The following GRIN2B variants were observed in gnomAD, a reference collection of about 807,000 sequenced individuals.
GRIN2B encodes glutamate ionotropic receptor NMDA type subunit 2B.
GRIN2B carries 5 observed loss-of-function variants against 114.5 expected under a neutral mutation model. The observed-to-expected ratio is 0.04, with a 90% CI of 0.02 to 0.09. The LOEUF is 0.09. Among genes scored for constraint, GRIN2B ranks in the 10% least tolerant of loss-of-function variants. The probability of loss-of-function intolerance (pLI) is 1.00; values close to 1 mark genes in which losing one functional copy is unlikely to be tolerated. For missense variants in GRIN2B, 1,108 were observed against 1,943.5 expected (o/e 0.57, Z 8.08); for synonymous variants, 787 against 745.1 (o/e 1.06, Z -0.92).
At chr12:13,741,038 ATTTAT>A (rs1008753666) in intron 4 of GRIN2B, among the ~76,000 whole-genome samples, 10 of 152,138 alleles carry the variant, frequency 6.6e-5, no homozygotes, top group South Asian at 2.1e-4. Flanking sequence ...TAAACTATTT[ATTTAT>A]TTTATTTTAT....
At chr12:13,595,118 A>C (rs1949056026) in intron 10 of GRIN2B, among the ~76,000 whole-genome samples, 1 of 152,220 alleles carries the variant, frequency 6.6e-6, no homozygotes, top group Non-Finnish European at 1.5e-5. Context: ...GAAGCAGTCA[A>C]GAGAGAAATA....
intron 2 of GRIN2B, among the ~76,000 whole-genome samples, chr12:13,942,625 TTAGA>T (rs1248402975): frequency 1.3e-5 from 2 of 152,346 alleles, no homozygotes; most frequent in East Asian, 1.9e-4. Context: ...TAGGCCTAAG[TTAGA>T]TAATCATCTA....
chr12:13,825,257 A>G (rs950775083), intron 3 of GRIN2B, among the ~76,000 whole-genome samples: 1 of 151,814 alleles, frequency 6.6e-6, no homozygotes, highest in Non-Finnish European at 1.5e-5. Context: ...TTTAATTCTA[A>G]TGTGGTCACA....
intron 4 of GRIN2B, among the ~76,000 whole-genome samples, chr12:13,707,761 A>G (rs1160786653): frequency 6.6e-6 from 1 of 152,158 alleles, no homozygotes; most frequent in East Asian, 1.9e-4. Flanking sequence ...AATTGAAAAA[A>G]AAATTTAACT....
intron 2 of GRIN2B, among the ~76,000 whole-genome samples, chr12:13,906,699 A>G (rs1322775691): frequency 1.3e-5 from 2 of 152,216 alleles, no homozygotes; most frequent in Non-Finnish European, 2.9e-5. Flanking sequence ...GATGACAATG[A>G]TTTCCTTAAC....
chr12:13,548,823 G>A lies in GRIN2B; in HGVS notation c.*13960C>T, dbSNP rs1392770943. 1 of 152,016 alleles carries A rather than the reference G, an allele frequency of 6.6e-6. No individual in the cohort carries two copies. The highest frequency in any genetic ancestry group is 1.5e-5 in the Non-Finnish European group (1 of 68,006). 9.4% of individuals were successfully genotyped at this position (152,016 alleles called of 1,614,324 possible). A position where few individuals can be genotyped will look rare whatever the true frequency, so the allele number is the denominator to read the frequency against. ...ACCTCCTCCCCCCATCTTCATGCAT[G>A]GGAATAAAAGCTACCTCCTCCATTT... On this transcript the variant is annotated 3_prime_UTR_variant, in exon 14 of 14. Transcript: ENST00000609686.
At chr12:13,885,881 C>T (rs1378254491) in intron 2 of GRIN2B, among the ~76,000 whole-genome samples, 1 of 152,176 alleles carries the variant, frequency 6.6e-6, no homozygotes, top group East Asian at 1.9e-4. Context: ...CTGCAAGCAA[C>T]CTGCATCAGA....
chr12:13,925,952 T>C (rs1866904170), intron 2 of GRIN2B, among the ~76,000 whole-genome samples: 1 of 151,960 alleles, frequency 6.6e-6, no homozygotes, highest in African/African-American at 2.4e-5. Context: ...ATTTGAAGAG[T>C]TCATAGATAA....
chr12:13,877,798 C>T (rs985337940), intron 2 of GRIN2B, among the ~76,000 whole-genome samples: 1 of 152,136 alleles, frequency 6.6e-6, no homozygotes, highest in African/African-American at 2.4e-5. Flanking sequence ...CGCAGTGGCT[C>T]ACACCCATAA....
At chr12:13,913,716 G>A (rs1866662619) in intron 2 of GRIN2B, among the ~76,000 whole-genome samples, 2 of 152,084 alleles carry the variant, frequency 1.3e-5, no homozygotes, top group Non-Finnish European at 2.9e-5. Flanking sequence ...CCACACTCAG[G>A]GACTTCTAGC....
chr12:13,895,907 G>A (rs1202475463), intron 2 of GRIN2B, among the ~76,000 whole-genome samples: 9 of 152,002 alleles, frequency 5.9e-5, no homozygotes, highest in Admixed American at 5.9e-4. Flanking sequence ...ATGTGGCAGA[G>A]GTTAAGTCAT....
At position 13,607,971 on chromosome 12, in the gene GRIN2B, C is replaced by T. The variant is rs1425994880; in HGVS notation, c.2010+632G>A. 2.0e-5 allele frequency among the ~76,000 whole-genome samples: 3 copies of T among 152,148 alleles called. No homozygotes were observed. In the East Asian group the frequency reaches 5.8e-4, roughly 29 times the overall value. ...TAGAATGGGTTTTGTACATCCTCAT[C>T]CAGCAGTGATGGAAAACAGCAGACA... is the stretch of plus-strand genomic sequence containing the variant. On this transcript the variant is annotated intron_variant, in intron 10 of 13. Transcript: ENST00000609686.
chr12:13,966,302 T>C (rs1246158581), intron 2 of GRIN2B, among the ~76,000 whole-genome samples: 4 of 152,226 alleles, frequency 2.6e-5, no homozygotes, highest in African/African-American at 9.6e-5. Context: ...TCAATATTAT[T>C]ACATCCAATT....
chr12:13,958,186 G>T (rs1304371304), intron 2 of GRIN2B, among the ~76,000 whole-genome samples: 1 of 152,164 alleles, frequency 6.6e-6, no homozygotes, highest in African/African-American at 2.4e-5. Flanking sequence ...TTAATTCTAG[G>T]CTGAGTTTTA....
At chr12:13,632,225 A>T (rs1293781843) in intron 5 of GRIN2B, among the ~76,000 whole-genome samples, 1 of 152,262 alleles carries the variant, frequency 6.6e-6, no homozygotes, top group African/African-American at 2.4e-5. Flanking sequence ...GTAAGTTCAC[A>T]TCTGTACCAA....
chr12:13,931,828 G>T (rs1156973504), intron 2 of GRIN2B, among the ~76,000 whole-genome samples: 1 of 152,020 alleles, frequency 6.6e-6, no homozygotes, highest in East Asian at 1.9e-4. Context: ...AGTTAAGTCA[G>T]CTGTACAATG....
chr12:13,547,274 T>C lies in GRIN2B; in HGVS notation c.*15509A>G, dbSNP rs970312535. ...TTGTTCTCAACGATAAAACCCACTT[T>C]GCAGTGGCTAAAAATATAAGTATTT... On this transcript the variant is annotated 3_prime_UTR_variant, in exon 14 of 14. Transcript: ENST00000609686. The C allele has an allele frequency of 6.6e-6, 1 of 152,160 alleles. No individual in the cohort carries two copies. Among genetic ancestry groups the C allele is most frequent in the Non-Finnish European group, 1.5e-5 (1 of 68,026 alleles). The allele number at this position is 152,160 out of a possible 1,614,324, so 9.4% of individuals were successfully genotyped here. A position where few individuals can be genotyped will look rare whatever the true frequency, so the allele number is the denominator to read the frequency against.
At chr12:13,911,343 T>C (rs1866624527) in intron 2 of GRIN2B, among the ~76,000 whole-genome samples, 1 of 152,150 alleles carries the variant, frequency 6.6e-6, no homozygotes, top group Non-Finnish European at 1.5e-5. Flanking sequence ...ACATCAAGCC[T>C]TGCTAGAAGT....
intron 3 of GRIN2B, among the ~76,000 whole-genome samples, chr12:13,828,350 G>A (rs1354048510): frequency 6.6e-6 from 1 of 152,282 alleles, no homozygotes; most frequent in East Asian, 1.9e-4. Context: ...GGGAATTCTG[G>A]GAATTGTTCT....
Sources: allele counts gnomAD v4.1 joint callset (sites outside exome capture counted in the v4.1 genomes callset), GRCh38; gene constraint gnomAD v4.1.1; transcripts MANE v1.5; gene names NCBI Gene and HGNC (gene_info 2026-07-23, HGNC 2026-07-21).